The following KRABD1 variants were observed in gnomAD, a reference collection of about 807,000 sequenced individuals.
The protein encoded by KRABD1 is KRAB domain-containing protein 1.
At chr3:42,939,034 T>C in the KRABD1 span, 44 of 832,966 alleles carry the variant, frequency 5.3e-5, no homozygotes, top group Non-Finnish European at 7.1e-5. Context: ...TTTACATATA[T>C]ATAACATACT....
chr3:42,942,021 C>T, the KRABD1 span: 10 of 1,535,992 alleles, frequency 6.5e-6, no homozygotes, highest in South Asian at 3.6e-5. Flanking sequence ...TCCTGTTTCA[C>T]CCAGCCACAG....
At chr3:42,941,614 T>C in the KRABD1 span, among the ~76,000 whole-genome samples, 3 of 152,108 alleles carry the variant, frequency 2.0e-5, no homozygotes, top group African/African-American at 7.2e-5. Flanking sequence ...CTCCAATTTA[T>C]CTTAAGAGAA....
At chr3:42,941,400 G>A in the KRABD1 span, 2 of 1,511,678 alleles carry the variant, frequency 1.3e-6, no homozygotes, top group Non-Finnish European at 1.8e-6. Flanking sequence ...CAGGTTGAAG[G>A]GCTCTTTTAT....
chr3:42,941,494 CCTT>C, the KRABD1 span: 1 of 870,122 alleles, frequency 1.1e-6, no homozygotes, highest in Non-Finnish European at 1.7e-6. Flanking sequence ...GAAAGGCTTT[CCTT>C]CTTTTTCTAG....
the KRABD1 span, among the ~76,000 whole-genome samples, chr3:42,940,285 T>C: frequency 6.6e-6 from 1 of 152,208 alleles, no homozygotes; most frequent in Non-Finnish European, 1.5e-5. Flanking sequence ...GGTGAACATA[T>C]ATGTCTGTGT....
chr3:42,940,297 T>A, the KRABD1 span, among the ~76,000 whole-genome samples: 8 of 152,376 alleles, frequency 5.3e-5, no homozygotes, highest in South Asian at 1.7e-3. Context: ...TGTCTGTGTC[T>A]GTTTTTAAAA....
chr3:42,942,177 T>C, the KRABD1 span: 8 of 775,156 alleles, frequency 1.0e-5, no homozygotes, highest in Admixed American at 2.1e-5. Context: ...TGGAGTACAC[T>C]GGGATCCTCG....
At chr3:42,937,540 A>G in the KRABD1 span, 1 of 152,246 alleles carries the variant, frequency 6.6e-6, no homozygotes, top group African/African-American at 2.4e-5. Flanking sequence ...AGATTCCACA[A>G]TTACAAGGGT....
the KRABD1 span, chr3:42,938,853 C>G: frequency 2.0e-6 from 3 of 1,464,870 alleles, no homozygotes; most frequent in Non-Finnish European, 2.8e-6. Context: ...CCTTCAGCAC[C>G]TGAGACTTTT....
the KRABD1 span, among the ~76,000 whole-genome samples, chr3:42,939,116 C>G: frequency 6.6e-6 from 1 of 152,096 alleles, no homozygotes; most frequent in Non-Finnish European, 1.5e-5. Context: ...CAAGTCTTAA[C>G]AGTATAGCTC....
the KRABD1 span, chr3:42,942,186 C>A: frequency 1.4e-6 from 1 of 731,944 alleles, no homozygotes; most frequent in Admixed American, 2.2e-5. Context: ...CTGGGATCCT[C>A]GATCACATTT....
chr3:42,937,173 T>G, the KRABD1 span: 1 of 152,178 alleles, frequency 6.6e-6, no homozygotes, highest in East Asian at 1.9e-4. Context: ...TTCTCTGAAC[T>G]TTTACTCCAC....
the KRABD1 span, chr3:42,942,563 T>C: frequency 1.5e-6 from 2 of 1,379,004 alleles, no homozygotes; most frequent in Non-Finnish European, 1.9e-6. Context: ...GAAGATATAC[T>C]TACTTAGCTA....
chr3:42,938,736 A>G, the KRABD1 span: 1 of 470,558 alleles, frequency 2.1e-6, no homozygotes, highest in Admixed American at 3.1e-5. Flanking sequence ...ATAATAAGCA[A>G]TAACTAATGA....
chr3:42,941,520 C>T, the KRABD1 span, among the ~76,000 whole-genome samples: 1 of 151,958 alleles, frequency 6.6e-6, no homozygotes, highest in Non-Finnish European at 1.5e-5. Context: ...TAAAAGCTAC[C>T]CTCCTTCCCT....
At chr3:42,941,342 G>A in the KRABD1 span, 6 of 1,593,616 alleles carry the variant, frequency 3.8e-6, no homozygotes, top group Admixed American at 1.0e-4. Context: ...ATGAGGCTGT[G>A]GCCTTTGTAG....
the KRABD1 span, chr3:42,942,462 A>G: frequency 4.3e-6 from 2 of 460,416 alleles, no homozygotes; most frequent in African/African-American, 2.0e-5. Flanking sequence ...GAGAACTAAT[A>G]TATTAACAAT....
the KRABD1 span, among the ~76,000 whole-genome samples, chr3:42,939,554 T>C: frequency 6.6e-6 from 1 of 152,196 alleles, no homozygotes; most frequent in Non-Finnish European, 1.5e-5. Flanking sequence ...ACATAGATGC[T>C]TCTTTCTCTT....
chr3:42,940,013 A>G, the KRABD1 span, among the ~76,000 whole-genome samples: 10 of 152,162 alleles, frequency 6.6e-5, no homozygotes, highest in Non-Finnish European at 1.3e-4. Context: ...TTTACTTTCA[A>G]TGAAGTCCAG....
Sources: allele counts gnomAD v4.1 joint callset (sites outside exome capture counted in the v4.1 genomes callset), GRCh38; gene constraint gnomAD v4.1.1; transcripts MANE v1.5; gene names NCBI Gene and HGNC (gene_info 2026-07-23, HGNC 2026-07-21).